The following TENM2 variants were observed in gnomAD, a reference collection of about 807,000 sequenced individuals.
TENM2 encodes the protein teneurin-2.
In TENM2, 52 loss-of-function variants were observed where a neutral mutation model predicts 245.2. That is an observed-to-expected ratio of 0.21 (90% CI 0.17 to 0.27). The LOEUF (loss-of-function observed/expected upper bound fraction) is 0.27. Among genes scored for constraint, TENM2 ranks in the 10% least tolerant of loss-of-function variants. The pLI, the probability that TENM2 is intolerant of heterozygous loss-of-function variation, is 1.00. For synonymous variants in TENM2, 1,363 were observed against 1,438.9 expected, an observed-to-expected ratio of 0.95 and a Z score of 1.19; for missense variants, 3,046 against 3,666.8, an observed-to-expected ratio of 0.83 and a Z score of 4.37.
intron 2 of TENM2, among the ~76,000 whole-genome samples, chr5:167,514,654 T>C (rs1329951250): frequency 6.6e-6 from 1 of 152,136 alleles, no homozygotes; most frequent in African/African-American, 2.4e-5. Flanking sequence ...GTGTAGGGCC[T>C]GAATGACTGA....
chr5:167,272,251 A>G, the TENM2 span, among the ~76,000 whole-genome samples: 1 of 152,216 alleles, frequency 6.6e-6, no homozygotes, highest in Non-Finnish European at 1.5e-5. Flanking sequence ...AAAAGTTCTA[A>G]CACACAAGAA....
the TENM2 span, among the ~76,000 whole-genome samples, chr5:167,003,418 T>C: frequency 6.6e-6 from 1 of 152,234 alleles, no homozygotes; most frequent in Non-Finnish European, 1.5e-5. Flanking sequence ...GCAAATGATT[T>C]CTGCTGCTCA....
At chr5:167,672,924 A>C (rs1582712666) in intron 2 of TENM2, among the ~76,000 whole-genome samples, 1 of 151,952 alleles carries the variant, frequency 6.6e-6, no homozygotes. Context: ...AAAAAAAAAA[A>C]AAAAGATGAT....
chr5:167,880,723 G>A (rs548393496), intron 3 of TENM2, among the ~76,000 whole-genome samples: 11 of 152,228 alleles, frequency 7.2e-5, no homozygotes, highest in South Asian at 6.2e-4. Flanking sequence ...GACATAGAGC[G>A]CACTTTCCAT....
chr5:167,757,422 C>G (rs1204971117), intron 2 of TENM2, among the ~76,000 whole-genome samples: 6 of 152,154 alleles, frequency 3.9e-5, no homozygotes, highest in Non-Finnish European at 8.8e-5. Context: ...GACATGAACT[C>G]ATTCTTTTTT....
chr5:167,691,942 G>A (rs537197331), intron 2 of TENM2, among the ~76,000 whole-genome samples: 19 of 152,300 alleles, frequency 1.2e-4, no homozygotes, highest in African/African-American at 4.3e-4. Context: ...GAAGTTGCCC[G>A]TGTGGTTAAA....
chr5:167,568,266 G>A (rs1361462809), intron 2 of TENM2, among the ~76,000 whole-genome samples: 1 of 152,094 alleles, frequency 6.6e-6, no homozygotes, highest in Non-Finnish European at 1.5e-5. Flanking sequence ...ACAAAGGATA[G>A]CATACATTTA....
At chr5:167,187,471 A>T in the TENM2 span, among the ~76,000 whole-genome samples, 139 of 152,296 alleles carry the variant, frequency 9.1e-4, no homozygotes, top group African/African-American at 3.3e-3. Context: ...TTAGCTTTAC[A>T]TGACAGATGT....
intron 2 of TENM2, among the ~76,000 whole-genome samples, chr5:167,767,135 A>G (rs1763082839): frequency 6.6e-6 from 1 of 152,238 alleles, no homozygotes. Context: ...TAGCCAAAAG[A>G]TGGAAGCAAC....
intron 2 of TENM2, among the ~76,000 whole-genome samples, chr5:167,385,856 A>ATGTGTGTGTGTGTGTGTG (rs60407919): frequency 2.9e-5 from 4 of 139,060 alleles, no homozygotes; most frequent in East Asian, 2.1e-4. Flanking sequence ...TTATATATAT[A>ATGTGTGTGTGTGTGTGTG]TGTGTGTGTG....
chr5:167,463,682 A>G (rs1303268341), intron 2 of TENM2, among the ~76,000 whole-genome samples: 2 of 151,942 alleles, frequency 1.3e-5, no homozygotes, highest in Non-Finnish European at 2.9e-5. Context: ...TATTTTTAGT[A>G]GAGAAGGGGT....
intron 2 of TENM2, among the ~76,000 whole-genome samples, chr5:167,812,759 G>A (rs955045253): frequency 3.3e-5 from 5 of 152,170 alleles, no homozygotes; most frequent in African/African-American, 1.2e-4. Context: ...CCATCTTTCT[G>A]AGCAATGCCT....
intron 2 of TENM2, among the ~76,000 whole-genome samples, chr5:167,436,554 A>G (rs1764565292): frequency 6.6e-6 from 1 of 152,210 alleles, no homozygotes; most frequent in Non-Finnish European, 1.5e-5. Context: ...TGAAATTTGT[A>G]TAAGTAACGA....
At chr5:167,051,611 G>A in the TENM2 span, among the ~76,000 whole-genome samples, 1 of 152,142 alleles carries the variant, frequency 6.6e-6, no homozygotes, top group Admixed American at 6.5e-5. Context: ...ACTCGGAGGA[G>A]GCGAGAGAAA....
chr5:168,141,318 A>T (rs1027477386), intron 12 of TENM2, among the ~76,000 whole-genome samples: 3 of 152,224 alleles, frequency 2.0e-5, no homozygotes, highest in African/African-American at 7.2e-5. Context: ...TACTATAATC[A>T]TTCACATTCT....
At chr5:167,597,796 C>G (rs1028086216) in intron 2 of TENM2, among the ~76,000 whole-genome samples, 7 of 152,180 alleles carry the variant, frequency 4.6e-5, no homozygotes, top group African/African-American at 1.7e-4. Context: ...GTACAAATCT[C>G]TCCCACCACA....
At chr5:167,842,107 G>T (rs1466623469) in intron 2 of TENM2, among the ~76,000 whole-genome samples, 1 of 151,826 alleles carries the variant, frequency 6.6e-6, no homozygotes, top group Non-Finnish European at 1.5e-5. Context: ...TGCTCTTACT[G>T]CCCAGACATC....
intron 2 of TENM2, among the ~76,000 whole-genome samples, chr5:167,866,224 C>T (rs555919115): frequency 7.9e-5 from 12 of 152,246 alleles, no homozygotes; most frequent in South Asian, 6.2e-4. Flanking sequence ...GCCAGCTGGG[C>T]GTGGTGGCTC....
chr5:167,672,216 T>C (rs114936194), intron 2 of TENM2, among the ~76,000 whole-genome samples: 4 of 151,972 alleles, frequency 2.6e-5, no homozygotes, highest in African/African-American at 9.7e-5. Context: ...TTTTATAAAA[T>C]AACACACTGA....
Sources: gnomAD v4.1 joint callset for allele counts (sites outside exome capture counted in the v4.1 genomes callset) on GRCh38, gnomAD v4.1.1 for gene constraint, MANE v1.5 for transcripts, NCBI Gene and HGNC (gene_info 2026-07-23, HGNC 2026-07-21) for gene names.